Variants in GCNT4 observed in about 807,000 individuals in gnomAD.
The protein encoded by GCNT4 is glucosaminyl (N-acetyl) transferase 4, also known as beta-1,3-galactosyl-O-glycosyl-glycoprotein beta-1,6-N-acetylglucosaminyltransferase 4.
In GCNT4, 17 loss-of-function variants were observed where a neutral mutation model predicts 31.3. That is an observed-to-expected ratio of 0.54 (90% CI 0.37 to 0.81). The LOEUF (loss-of-function observed/expected upper bound fraction) is 0.81. Among genes scored for constraint, GCNT4 ranks in the 40% least tolerant of loss-of-function variants. The pLI is 0.00. For synonymous variants in GCNT4, 158 were observed against 190.6 expected (o/e 0.83, Z 1.41); for missense variants, 503 against 525.5 (o/e 0.96, Z 0.42).
chr5:75,052,006 G>A (rs952420867), intron 2 of GCNT4, among the ~76,000 whole-genome samples, 163 bp downstream of exon 2: 5 of 152,130 alleles, frequency 3.3e-5, no homozygotes, highest in African/African-American at 9.7e-5. Flanking sequence ...TCTCTATAAT[G>A]ATTCACTTTT....
In GCNT4 at chr5:75,029,104, C is replaced by A; in HGVS notation, c.934G>T (p.Val312Phe). Residue 312 changes from valine to phenylalanine, a missense_variant, in exon 4 of 4, where the codon GTT becomes TTT. Physicochemically the swap from Val to Phe is conservative, Grantham distance 50 (BLOSUM62 -1). Coordinates refer to ENST00000652361, the MANE Select transcript of GCNT4 (RefSeq NM_001366737.1). ...SAYFVLSQAF[V>F]KYIFNNSIVQ... ...ATGGAGTTGTTGAAAATATATTTAA[C>A]AAATGCTTGACTTAAAACAAAATAA... is the stretch of plus-strand genomic sequence containing the variant. 1 of 1,614,092 alleles carries A rather than the reference C, an allele frequency of 6.2e-7. No individual in the cohort carries two copies. Among genetic ancestry groups the A allele is most frequent in the Non-Finnish European group, 8.5e-7 (1 of 1,179,988 alleles).
chr5:75,041,460 T>A (rs1051043073), intron 3 of GCNT4, among the ~76,000 whole-genome samples: 12 of 152,218 alleles, frequency 7.9e-5, no homozygotes, highest in African/African-American at 2.7e-4. Context: ...CCTGCAAGAT[T>A]TGGAGAATAG....
At chr5:75,039,165 A>C (rs1324551075) in intron 3 of GCNT4, among the ~76,000 whole-genome samples, 2 of 151,918 alleles carry the variant, frequency 1.3e-5, no homozygotes, top group African/African-American at 4.8e-5. Context: ...GCTCACTGCA[A>C]CCTCTGTCTC....
intron 3 of GCNT4, among the ~76,000 whole-genome samples, chr5:75,042,851 A>G (rs1214778935): frequency 1.3e-5 from 2 of 152,250 alleles, no homozygotes; most frequent in African/African-American, 4.8e-5. Context: ...CTTAAAATGT[A>G]CATATTGCTC....
intron 3 of GCNT4, among the ~76,000 whole-genome samples, chr5:75,036,622 A>T (rs1743206995): frequency 6.6e-6 from 1 of 150,994 alleles, no homozygotes; most frequent in Non-Finnish European, 1.5e-5. Flanking sequence ...ATGGTCGAGG[A>T]GATCTTCCAC....
chr5:75,035,796 A>C (rs1554062492), intron 3 of GCNT4, among the ~76,000 whole-genome samples: 1 of 152,204 alleles, frequency 6.6e-6, no homozygotes, highest in Non-Finnish European at 1.5e-5. Flanking sequence ...TGATACCTGC[A>C]GGTACTGGAA....
chr5:75,043,269 T>C (rs1237116243), intron 3 of GCNT4, among the ~76,000 whole-genome samples: 1 of 152,220 alleles, frequency 6.6e-6, no homozygotes, highest in Non-Finnish European at 1.5e-5. Flanking sequence ...TATGGTCTGG[T>C]GCCAGCATAA....
rs201293154 is a variant in GCNT4, at chr5:75,028,900, G to C, written c.1138C>G (p.Pro380Ala). 1 of 1,613,960 alleles carries C rather than the reference G, an allele frequency of 6.2e-7. No individual in the cohort carries two copies. The highest frequency in any genetic ancestry group is 8.5e-7 in the Non-Finnish European group (1 of 1,179,982). The change falls in exon 4 of 4, where the codon CCC becomes GCC. Residue 380 changes from proline (P) to alanine (A), a missense_variant. By Grantham distance (27) the Pro-to-Ala change is conservative (BLOSUM62 -1). Coordinates refer to ENST00000652361, the MANE Select transcript of GCNT4 (RefSeq NM_001366737.1). The part of the protein sequence containing the change: ...KWNYYEGFFY[P>A]SCTGSHLRSV... ...CGAAGGTGAGATCCAGTACAACTGG[G>C]ATAGAAAAAGCCTTCATAGTAATTC... is the stretch of plus-strand genomic sequence containing the variant.
rs79387461 is a variant in GCNT4 at position 75,045,852 on chromosome 5, C to G, written c.-2+2045G>C. ...GACTGATAACACAATTCAAGAAATC[C>G]CAGTTATTTTGTCACATTTGAATTT... On this transcript the variant is annotated intron_variant, in intron 3 of 3. Transcript: ENST00000652361. 2.6e-5 allele frequency among the ~76,000 whole-genome samples: 4 copies of G among 152,154 alleles called. No individual in the cohort carries two copies. The East Asian group carries it at 7.7e-4, about 29-fold the overall frequency.
At position 75,027,350 on chromosome 5, in the gene GCNT4, AT is replaced by A. The variant is rs1340833867; in HGVS notation, c.*1325del. On this transcript the variant is annotated 3_prime_UTR_variant, in exon 4 of 4. Transcript: ENST00000652361. ...ATATTCATATACAATATATGTATAT[AT>A]AATATATATATTTATATATTATATA... The A allele has an allele frequency of 2.6e-4, 4 of 15,456 alleles. No homozygotes were observed. Among genetic ancestry groups the A allele is most frequent in the Non-Finnish European group, 3.6e-4 (4 of 11,128 alleles). The allele number at this position is 15,456 out of a possible 1,614,324, so 1.0% of individuals were successfully genotyped here. A position where few individuals can be genotyped will look rare whatever the true frequency, so the allele number is the denominator to read the frequency against.
rs749239287 is a variant in GCNT4 at position 75,029,484 on chromosome 5, T to C, written c.554A>G (p.Asn185Ser). The change falls in exon 4 of 4, where the codon AAT becomes AGT. Residue 185 changes from asparagine (N) to serine (S), a missense_variant. Asn to Ser is a conservative substitution (Grantham distance 46, BLOSUM62 1). Transcript: ENST00000652361. The part of the protein sequence containing the change: ...AMNNLAKCFS[N>S]IFIASKLEAV... ...CTCTAATTTGGAAGCAATGAAAATATTGGAGAAGCACTTAGCTAAATTGTT... is the reference window on the plus strand; with the variant it reads ...CTCTAATTTGGAAGCAATGAAAATACTGGAGAAGCACTTAGCTAAATTGTT... The C allele has an allele frequency of 2.0e-5, 33 of 1,613,966 alleles. No individual in the cohort carries two copies. The highest frequency in any genetic ancestry group is 5.3e-5 in the African/African-American group (4 of 74,916).
chr5:75,033,505 AC>A (rs1743122137), intron 3 of GCNT4, among the ~76,000 whole-genome samples: 1 of 152,046 alleles, frequency 6.6e-6, no homozygotes, highest in African/African-American at 2.4e-5. Context: ...TTTCTGATAT[AC>A]CTTCGCCCAA....
At position 75,027,609 on chromosome 5, in the gene GCNT4, A is replaced by C. The variant is rs1024329976; in HGVS notation, c.*1067T>G. On this transcript the variant is annotated 3_prime_UTR_variant, in exon 4 of 4. Coordinates refer to ENST00000652361, the MANE Select transcript of GCNT4 (RefSeq NM_001366737.1). Reference sequence around the variant, plus strand: ...AAACTTAGAGCTTTTATCACTTTAAATCTGGATTCCAGTTGGACAGTTGCC... The same window carrying C: ...AAACTTAGAGCTTTTATCACTTTAACTCTGGATTCCAGTTGGACAGTTGCC... 1.3e-4 allele frequency: 20 copies of C among 152,090 alleles called. No homozygotes were observed. The highest frequency in any genetic ancestry group is 6.6e-5 in the Admixed American group (1 of 15,176). 9.4% of individuals were successfully genotyped at this position (152,090 alleles called of 1,614,324 possible). A position where few individuals can be genotyped will look rare whatever the true frequency, so the allele number is the denominator to read the frequency against.
upstream of GCNT4, among the ~76,000 whole-genome samples, chr5:75,053,625 C>G (rs1389722346): frequency 1.3e-5 from 2 of 152,002 alleles, no homozygotes; most frequent in African/African-American, 4.8e-5. Flanking sequence ...GCGGCTCGCT[C>G]TCGCCGCGCT....
In GCNT4 at chr5:75,025,513, T is replaced by C. The variant is rs1374567185; in HGVS notation, c.*3163A>G. On this transcript the variant is annotated 3_prime_UTR_variant, in exon 4 of 4. Coordinates refer to ENST00000652361, the MANE Select transcript of GCNT4 (RefSeq NM_001366737.1). ...AGATTTAGAGACCAGTCGATATAAA[T>C]GTATAAAAAGCCCCCAAAACTCTCA... 2 of 152,302 alleles carry C rather than the reference T, an allele frequency of 1.3e-5. No individual in the cohort carries two copies. The highest frequency in any genetic ancestry group is 4.8e-5 in the African/African-American group (2 of 41,560). 9.4% of individuals were successfully genotyped at this position (152,302 alleles called of 1,614,324 possible). A position where few individuals can be genotyped will look rare whatever the true frequency, so the allele number is the denominator to read the frequency against.
In GCNT4 at chr5:75,048,014, G is replaced by C. The variant is rs1743482022; in HGVS notation, c.-119C>G. On this transcript the variant is annotated 5_prime_UTR_variant, in exon 3 of 4. Coordinates refer to ENST00000652361, the MANE Select transcript of GCNT4 (RefSeq NM_001366737.1). ...ATGGCTGTACTGGGACAGTGACCGAGGATGTAGTTCTAGAACATGGGCCCT... is the reference window on the plus strand; with the variant it reads ...ATGGCTGTACTGGGACAGTGACCGACGATGTAGTTCTAGAACATGGGCCCT... 1.3e-5 allele frequency: 2 copies of C among 152,172 alleles called. No individual in the cohort carries two copies. Among genetic ancestry groups the C allele is most frequent in the African/African-American group, 4.8e-5 (2 of 41,432 alleles). The allele number at this position is 152,172 out of a possible 1,614,324, so 9.4% of individuals were successfully genotyped here.
At chr5:75,039,179 G>A (rs1231969411) in intron 3 of GCNT4, among the ~76,000 whole-genome samples, 1 of 152,066 alleles carries the variant, frequency 6.6e-6, no homozygotes, top group African/African-American at 2.4e-5. Flanking sequence ...CTGTCTCCCA[G>A]GTTCAAGCGA....
intron 2 of GCNT4, among the ~76,000 whole-genome samples, chr5:75,050,800 C>T (rs1743552311): frequency 6.6e-6 from 1 of 152,214 alleles, no homozygotes; most frequent in South Asian, 2.1e-4. Context: ...TTGAATCCGC[C>T]CAACGTGTCA....
Position 75,029,209 on chromosome 5 carries a change from C to T in GCNT4, c.829G>A (p.Glu277Lys), listed in dbSNP as rs781335738. Residue 277 changes from glutamate to lysine, a missense_variant, in exon 4 of 4, where the codon GAA becomes AAA. Physicochemically the swap from Glu to Lys is moderately conservative, Grantham distance 56. Transcript: ENST00000652361. ...YHHELRRVPYEYVKLPIRTNI... is the reference protein window; with the variant it reads ...YHHELRRVPYKYVKLPIRTNI... ...GTCCTTATTGGTAGCTTCACATATT[C>T]ATAAGGCACCCGTCTAAGTTCATGA... is the stretch of plus-strand genomic sequence containing the variant. 1.1e-5 allele frequency: 17 copies of T among 1,613,918 alleles called. No homozygotes were observed. The highest frequency in any genetic ancestry group is 7.6e-6 in the Non-Finnish European group (9 of 1,180,034).
Sources: allele counts gnomAD v4.1 joint callset (sites outside exome capture counted in the v4.1 genomes callset), GRCh38; gene constraint gnomAD v4.1.1; transcripts MANE v1.5; gene names NCBI Gene and HGNC (gene_info 2026-07-23, HGNC 2026-07-21).